The following PACRG variants were observed in gnomAD, a reference collection of about 807,000 sequenced individuals.
PACRG encodes parkin coregulated gene protein.
PACRG carries 29 observed loss-of-function variants against 29.7 expected under a neutral mutation model. The observed-to-expected ratio is 0.98, with a 90% CI of 0.73 to 1.33. The LOEUF (loss-of-function observed/expected upper bound fraction) is 1.33, where lower values mean the gene tolerates loss of function less well. Among genes scored for constraint, PACRG ranks in the 40% most tolerant of loss-of-function variants. The probability of loss-of-function intolerance (pLI) is 0.00; values close to 1 mark genes in which losing one functional copy is unlikely to be tolerated. For missense variants in PACRG, 279 were observed against 316.2 expected (o/e 0.88, Z 0.89); for synonymous variants, 116 against 118.7 (o/e 0.98, Z 0.15).
In PACRG at chr6:163,092,920, G is replaced by A. The variant is rs539130857; in HGVS notation, c.613+3512G>A. On this transcript the variant is annotated intron_variant, in intron 4 of 4. Transcript: ENST00000366888. ...TGTGTGTGACCCATAGCGCTCTCTC[G>A]TTGGGTGACCTGTCGCTTGGCCCTC... 1.9e-3 allele frequency among the ~76,000 whole-genome samples: 283 copies of A among 152,322 alleles called. 1 individual carries two copies. The highest frequency in any genetic ancestry group is 3.1e-3 in the Non-Finnish European group (211 of 68,026).
intron 4 of PACRG, among the ~76,000 whole-genome samples, chr6:163,117,451 A>T (rs1381773475): frequency 6.6e-6 from 1 of 152,126 alleles, no homozygotes; most frequent in Non-Finnish European, 1.5e-5. Flanking sequence ...AGGTTTTGAG[A>T]TTGCAAAAGA....
At chr6:162,788,700 T>C (rs1191366806) in intron 1 of PACRG, among the ~76,000 whole-genome samples, 2 of 152,234 alleles carry the variant, frequency 1.3e-5, no homozygotes, top group African/African-American at 4.8e-5. Context: ...GAATTTTGGC[T>C]ATTTTAATAG....
At chr6:163,003,542 C>T (rs1804773232) in intron 2 of PACRG, among the ~76,000 whole-genome samples, 1 of 152,136 alleles carries the variant, frequency 6.6e-6, no homozygotes, top group South Asian at 2.1e-4. Context: ...CTCAAACTTC[C>T]CTTTTTTCTA....
chr6:163,035,577 C>T (rs1029332173), intron 2 of PACRG, among the ~76,000 whole-genome samples: 7 of 151,596 alleles, frequency 4.6e-5, no homozygotes, highest in African/African-American at 9.7e-5. Flanking sequence ...ACTTGGGAGG[C>T]GGAAGTTGCA....
chr6:163,237,491 C>A (rs886445007), intron 4 of PACRG, among the ~76,000 whole-genome samples: 2 of 152,120 alleles, frequency 1.3e-5, no homozygotes, highest in South Asian at 4.1e-4. Flanking sequence ...TTCATGTTTT[C>A]TCTTGCTTAA....
intron 1 of PACRG, among the ~76,000 whole-genome samples, chr6:162,747,393 T>TATATATGTATATATATATAACTATAA (rs1781128448): frequency 5.4e-5 from 2 of 36,978 alleles, no homozygotes; most frequent in African/African-American, 2.0e-4. Flanking sequence ...TATATATGTA[T>TATATATGTATATATATATAACTATAA]ATATATATGT....
chr6:163,249,082 A>G (rs1356942919), intron 4 of PACRG, among the ~76,000 whole-genome samples: 3 of 151,948 alleles, frequency 2.0e-5, no homozygotes, highest in Non-Finnish European at 4.4e-5. Context: ...AACCAATAGA[A>G]AGTCGGTCAC....
At chr6:163,033,181 A>G (rs60504119) in intron 2 of PACRG, among the ~76,000 whole-genome samples, 25,230 of 152,168 alleles carry the variant, frequency 0.17, 2,354 homozygotes, top group East Asian at 0.26. Flanking sequence ...CACTAGTCTC[A>G]AATACATGTT....
intron 2 of PACRG, among the ~76,000 whole-genome samples, chr6:162,847,986 G>C (rs1451949886): frequency 6.6e-6 from 1 of 152,162 alleles, no homozygotes; most frequent in African/African-American, 2.4e-5. Flanking sequence ...GGAGGGGGCA[G>C]ACCAGAGCCA....
At chr6:163,147,806 C>T (rs768054259) in intron 4 of PACRG, among the ~76,000 whole-genome samples, 11 of 152,304 alleles carry the variant, frequency 7.2e-5, no homozygotes, top group South Asian at 2.1e-4. Context: ...ATCCCAGCCA[C>T]GCTTCACATC....
chr6:163,022,070 A>AT (rs1003861147), intron 2 of PACRG, among the ~76,000 whole-genome samples: 8 of 152,310 alleles, frequency 5.3e-5, no homozygotes, highest in Middle Eastern at 3.4e-3. Context: ...GGCCACACAC[A>AT]TTCACTTGGC....
chr6:163,210,976 G>C (rs2143072), intron 4 of PACRG, among the ~76,000 whole-genome samples: 95,883 of 151,766 alleles, frequency 0.63, 30,589 homozygotes, highest in South Asian at 0.78. Context: ...AAATGTCTTC[G>C]TTCAAATAAT....
At chr6:163,241,837 T>G (rs1200878739) in intron 4 of PACRG, among the ~76,000 whole-genome samples, 2 of 152,154 alleles carry the variant, frequency 1.3e-5, no homozygotes, top group African/African-American at 4.8e-5. Context: ...GGGCACGGGC[T>G]GGGGATGGAA....
chr6:163,110,215 G>T (rs573033465), intron 4 of PACRG, among the ~76,000 whole-genome samples: 1 of 152,306 alleles, frequency 6.6e-6, no homozygotes, highest in South Asian at 2.1e-4. Flanking sequence ...ACGCCAGTCT[G>T]GGAAGAGTTC....
chr6:163,215,751 T>G (rs759183181), intron 4 of PACRG, among the ~76,000 whole-genome samples: 1 of 152,124 alleles, frequency 6.6e-6, no homozygotes, highest in Non-Finnish European at 1.5e-5. Context: ...CCCCAACATT[T>G]AACTGGGTAG....
intron 2 of PACRG, among the ~76,000 whole-genome samples, chr6:162,938,703 G>A (rs1798406604): frequency 6.6e-6 from 1 of 152,174 alleles, no homozygotes. Flanking sequence ...TCTTGCAGGA[G>A]TAAGGTGGCA....
chr6:162,987,631 G>A (rs1040565800), intron 2 of PACRG, among the ~76,000 whole-genome samples: 2 of 152,116 alleles, frequency 1.3e-5, no homozygotes, highest in African/African-American at 2.4e-5. Context: ...TGATTATGAA[G>A]CTTCCTCAGC....
intron 2 of PACRG, among the ~76,000 whole-genome samples, chr6:162,970,929 G>C (rs1313565738): frequency 6.6e-6 from 1 of 152,186 alleles, no homozygotes; most frequent in East Asian, 1.9e-4. Context: ...CAGTGGCCAT[G>C]GGTTGTGTAA....
At chr6:163,028,958 G>C (rs537359102) in intron 2 of PACRG, among the ~76,000 whole-genome samples, 153 of 152,344 alleles carry the variant, frequency 1.0e-3, no homozygotes, top group Middle Eastern at 6.8e-3. Flanking sequence ...AAAGGGACAT[G>C]GCAGATGCGA....
Sources: allele counts gnomAD v4.1 joint callset (sites outside exome capture counted in the v4.1 genomes callset), GRCh38; gene constraint gnomAD v4.1.1; transcripts MANE v1.5; gene names NCBI Gene and HGNC (gene_info 2026-07-23, HGNC 2026-07-21).